Variants in SPAG16 observed in about 807,000 individuals in gnomAD.
SPAG16 encodes sperm-associated antigen 16 protein.
A neutral mutation model predicts 80.4 loss-of-function variants in SPAG16; 86 were observed. The ratio of observed to expected loss-of-function variants is 1.07; its 90% confidence interval spans 0.90 to 1.28. SPAG16 has a LOEUF of 1.28. Among genes scored for constraint, SPAG16 ranks in the 50% most tolerant of loss-of-function variants. SPAG16 has a pLI of 0.00. For missense variants in SPAG16, 870 were observed against 765.3 expected (o/e 1.14, Z -1.61); for synonymous variants, 294 against 265.9 (o/e 1.11, Z -1.03).
intron 9 of SPAG16, among the ~76,000 whole-genome samples, chr2:213,467,708 AG>A (rs2072779793): frequency 6.6e-6 from 1 of 152,208 alleles, no homozygotes; most frequent in Non-Finnish European, 1.5e-5. Flanking sequence ...GAGAAGCCCA[AG>A]GACTCCTCAG....
intron 15 of SPAG16, among the ~76,000 whole-genome samples, chr2:214,285,311 T>C (rs1226036257): frequency 6.6e-6 from 1 of 152,204 alleles, no homozygotes; most frequent in Non-Finnish European, 1.5e-5. Context: ...CATTGTTTAA[T>C]CAGATTATTT....
At chr2:214,198,492 A>G (rs898121076) in intron 15 of SPAG16, among the ~76,000 whole-genome samples, 1 of 151,924 alleles carries the variant, frequency 6.6e-6, no homozygotes, top group Non-Finnish European at 1.5e-5. Flanking sequence ...TTTGTTCATT[A>G]ATTTGTTGGT....
Position 214,207,713 on chromosome 2 carries a change from A to G in SPAG16, c.1720+58447A>G, listed in dbSNP as rs184077005. Among the ~76,000 whole-genome samples, 25 of 152,226 alleles carry G rather than the reference A, an allele frequency of 1.6e-4. No homozygotes were observed. In the East Asian group the frequency reaches 4.6e-3, roughly 28 times the overall value. ...TGTTTCCAAAGGAGATTAACATTTGAGTCAGGGGATTGGGAGAAGAAGATC... is the reference window on the plus strand; with the variant it reads ...TGTTTCCAAAGGAGATTAACATTTGGGTCAGGGGATTGGGAGAAGAAGATC... On this transcript the variant is annotated intron_variant, in intron 15 of 15. Coordinates refer to ENST00000331683, the MANE Select transcript of SPAG16 (RefSeq NM_024532.5).
intron 13 of SPAG16, among the ~76,000 whole-genome samples, chr2:214,101,509 G>C (rs963617046): frequency 2.6e-5 from 4 of 151,958 alleles, no homozygotes; most frequent in African/African-American, 9.7e-5. Context: ...CCTGAGAGGA[G>C]TATTCTATGT....
At chr2:213,287,984 C>G (rs1048317331) in intron 1 of SPAG16, among the ~76,000 whole-genome samples, 23 of 152,222 alleles carry the variant, frequency 1.5e-4, no homozygotes, top group African/African-American at 4.8e-4. Context: ...TAGCTCACTG[C>G]AACTTCAAAT....
intron 10 of SPAG16, among the ~76,000 whole-genome samples, chr2:213,700,606 A>G (rs2065363465): frequency 6.6e-6 from 1 of 152,156 alleles, no homozygotes; most frequent in Admixed American, 6.5e-5. Context: ...CATTACATTT[A>G]TTTCTCAGTA....
chr2:213,296,445 G>A (rs976435685), intron 2 of SPAG16, among the ~76,000 whole-genome samples: 1 of 152,134 alleles, frequency 6.6e-6, no homozygotes, highest in African/African-American at 2.4e-5. Context: ...CTCTTGTCAA[G>A]GATTCCTAGA....
chr2:214,013,599 T>C (rs2047429518), intron 12 of SPAG16, among the ~76,000 whole-genome samples: 1 of 152,198 alleles, frequency 6.6e-6, no homozygotes, highest in Non-Finnish European at 1.5e-5. Flanking sequence ...CTGAAAAAGT[T>C]TATTTTGTCT....
At chr2:213,341,611 T>C (rs1009519611) in intron 6 of SPAG16, among the ~76,000 whole-genome samples, 10 of 152,134 alleles carry the variant, frequency 6.6e-5, no homozygotes, top group African/African-American at 2.2e-4. Flanking sequence ...AGGCATCCTG[T>C]AGCCCCAACT....
At chr2:214,335,474 A>C (rs1055798695) in intron 15 of SPAG16, among the ~76,000 whole-genome samples, 1 of 150,910 alleles carries the variant, frequency 6.6e-6, no homozygotes, top group East Asian at 1.9e-4. Flanking sequence ...GGAGGAATAT[A>C]TATATATATA....
Position 213,862,531 on chromosome 2 carries a change from G to A in SPAG16, c.1117G>A (p.Asp373Asn), listed in dbSNP as rs764564029. The change falls in exon 11 of 16, where the codon GAC becomes AAC. Residue 373 changes from aspartate (D) to asparagine (N), a missense_variant. Asp to Asn is a conservative substitution (Grantham distance 23). Coordinates refer to ENST00000331683, the MANE Select transcript of SPAG16 (RefSeq NM_024532.5). ...AGACATCCTAGTCTCCTGTGGCGAG[G>A]ACCGACTCTGGAAGGTGTTGGGCCT... is the stretch of plus-strand genomic sequence containing the variant. ...HKDILVSCGE[D>N]RLWKVLGLPK... 3.1e-6 allele frequency: 5 copies of A among 1,614,110 alleles called. No individual in the cohort carries two copies. The highest frequency in any genetic ancestry group is 3.3e-5 in the Admixed American group (2 of 60,018).
intron 10 of SPAG16, among the ~76,000 whole-genome samples, chr2:213,818,104 A>G (rs2125685798): frequency 6.6e-6 from 1 of 152,300 alleles, no homozygotes; most frequent in Non-Finnish European, 1.5e-5. Context: ...ATCTAAGTAA[A>G]CTTCTTTCCA....
At chr2:213,733,054 T>C (rs2067122261) in intron 10 of SPAG16, among the ~76,000 whole-genome samples, 1 of 152,192 alleles carries the variant, frequency 6.6e-6, no homozygotes, top group Non-Finnish European at 1.5e-5. Context: ...TTTTGACTTT[T>C]TACTAATAGC....
At chr2:214,230,311 C>G (rs970425614) in intron 15 of SPAG16, among the ~76,000 whole-genome samples, 1 of 151,880 alleles carries the variant, frequency 6.6e-6, no homozygotes, top group Admixed American at 6.6e-5. Context: ...GACTTTCTAA[C>G]CCTTTGTGAG....
chr2:213,354,273 A>G (rs2065502016), intron 7 of SPAG16, among the ~76,000 whole-genome samples: 2 of 152,066 alleles, frequency 1.3e-5, no homozygotes, highest in Admixed American at 1.3e-4. Flanking sequence ...CACTTTCTTA[A>G]TCCAGTCTAT....
chr2:213,616,984 C>T (rs560934537), intron 10 of SPAG16, among the ~76,000 whole-genome samples: 2 of 152,050 alleles, frequency 1.3e-5, no homozygotes, highest in South Asian at 2.1e-4. Context: ...GATGGATGCT[C>T]GCCGTTTGTA....
chr2:214,177,457 C>T (rs1237919062), intron 15 of SPAG16, among the ~76,000 whole-genome samples: 3 of 151,034 alleles, frequency 2.0e-5, no homozygotes, highest in Non-Finnish European at 4.5e-5. Context: ...CAGGATTTTA[C>T]ATCTTTGCTG....
chr2:213,659,832 C>A (rs544898863), intron 10 of SPAG16, among the ~76,000 whole-genome samples: 1 of 152,018 alleles, frequency 6.6e-6, no homozygotes, highest in Non-Finnish European at 1.5e-5. Context: ...TTAAACAAAA[C>A]TAATTGTTCC....
intron 13 of SPAG16, among the ~76,000 whole-genome samples, chr2:214,016,417 GTTAC>G (rs537419791): frequency 7.2e-5 from 11 of 152,146 alleles, no homozygotes; most frequent in Middle Eastern, 6.3e-3. Flanking sequence ...CCCTGATTCA[GTTAC>G]TTCCCACCAG....
Sources: allele counts gnomAD v4.1 joint callset (sites outside exome capture counted in the v4.1 genomes callset), GRCh38; gene constraint gnomAD v4.1.1; transcripts MANE v1.5; gene names NCBI Gene and HGNC (gene_info 2026-07-23, HGNC 2026-07-21).